The following WNT7B variants were observed in gnomAD, a reference collection of about 807,000 sequenced individuals.
The protein encoded by WNT7B is protein Wnt-7b.
A neutral mutation model predicts 38.2 loss-of-function variants in WNT7B; 19 were observed. That is an observed-to-expected ratio of 0.50 (90% confidence interval 0.35 to 0.73). The LOEUF (loss-of-function observed/expected upper bound fraction) is 0.73, where lower values mean the gene tolerates loss of function less well. Ranked by LOEUF, WNT7B falls within the 30% of genes least tolerant of loss-of-function variation. WNT7B has a pLI of 0.01. For missense variants in WNT7B, 423 were observed against 507.9 expected, an observed-to-expected ratio of 0.83 and a Z score of 1.61; for synonymous variants, 243 against 209.3, an observed-to-expected ratio of 1.16 and a Z score of -1.39.
chr22:45,963,227 T>C (rs1403283264), intron 1 of WNT7B, among the ~76,000 whole-genome samples: 1 of 152,028 alleles, frequency 6.6e-6, no homozygotes, highest in Non-Finnish European at 1.5e-5. Context: ...GGACCCATTC[T>C]GGGTCAGAAG....
Position 45,931,238 on chromosome 22 carries a change from C to G in WNT7B, c.430G>C (p.Ala144Pro). The change falls in exon 3 of 4, where the codon GCC becomes CCC. Residue 144 changes from alanine (A) to proline (P), a missense_variant. Ala to Pro is a conservative substitution (Grantham distance 27, BLOSUM62 -1). Transcript: ENST00000339464. ...DREKQGYYNQ[A>P]EGWKWGGCSA... ...CAGCCGCCCCACTTCCAGCCCTCGG[C>G]TTGGTTGTAGTAGCCCTGCTTCTCG... 6.3e-7 allele frequency: 1 copy of G among 1,599,302 alleles called. No individual in the cohort carries two copies. The highest frequency in any genetic ancestry group is 8.5e-7 in the Non-Finnish European group (1 of 1,179,854).
chr22:45,927,944 G>T (rs574775987), intron 3 of WNT7B, among the ~76,000 whole-genome samples: 3 of 152,354 alleles, frequency 2.0e-5, no homozygotes, highest in South Asian at 4.1e-4. Flanking sequence ...AGGAGACCTG[G>T]TGAAGACAGG....
At chr22:45,945,929 C>G (rs1311984415) in intron 2 of WNT7B, among the ~76,000 whole-genome samples, 1 of 152,260 alleles carries the variant, frequency 6.6e-6, no homozygotes, top group Non-Finnish European at 1.5e-5. Flanking sequence ...GTCTCTATGC[C>G]TGGTCATGTC....
intron 3 of WNT7B, among the ~76,000 whole-genome samples, chr22:45,928,478 C>A (rs917951263): frequency 2.0e-5 from 3 of 152,146 alleles, no homozygotes; most frequent in African/African-American, 7.2e-5. Context: ...TCAGCAGCAG[C>A]GTGGGTCAGC....
chr22:45,922,566 A>C lies in WNT7B; in HGVS notation c.*290T>G. ...GTTCATTTTCCCAGAGAGAAGAAAG[A>C]GAACTTGCCGGGCCCCGTCGGGGAG... On this transcript the variant is annotated 3_prime_UTR_variant, in exon 4 of 4. Transcript: ENST00000339464. 2.2e-6 allele frequency: 1 copy of C among 447,958 alleles called. No individual in the cohort carries two copies. Among genetic ancestry groups the C allele is most frequent in the Non-Finnish European group, 4.0e-6 (1 of 250,536 alleles). 27.7% of individuals were successfully genotyped at this position (447,958 alleles called of 1,614,324 possible). A position where few individuals can be genotyped will look rare whatever the true frequency, so the allele number is the denominator to read the frequency against.
chr22:45,927,196 G>A (rs1035562806), intron 3 of WNT7B: 1 of 985,296 alleles, frequency 1.0e-6, no homozygotes, highest in African/African-American at 1.7e-5. Flanking sequence ...GCCAGGGGCA[G>A]AGCTGGGGGC....
chr22:45,930,847 T>A (rs770713092), intron 3 of WNT7B, among the ~76,000 whole-genome samples: 1 of 152,130 alleles, frequency 6.6e-6, no homozygotes, highest in Non-Finnish European at 1.5e-5. Context: ...GGAGTCCCCA[T>A]CTTCCCTGGG....
At chr22:45,927,575 C>G in intron 3 of WNT7B, 1 of 1,168,578 alleles carries the variant, frequency 8.6e-7, no homozygotes, top group Admixed American at 2.0e-5. Flanking sequence ...CAAGTAGGCC[C>G]TAAATCCAAT....
intron 1 of WNT7B, among the ~76,000 whole-genome samples, chr22:45,964,875 T>C (rs1932277728): frequency 1.3e-5 from 2 of 152,124 alleles, no homozygotes; most frequent in African/African-American, 4.8e-5. Flanking sequence ...CACCAGATGG[T>C]CCTACAGACT....
Position 45,921,357 on chromosome 22 carries a change from A to C in WNT7B, c.*1499T>G, listed in dbSNP as rs1930922935. 6.6e-6 allele frequency: 1 copy of C among 152,402 alleles called. No homozygotes were observed. Among genetic ancestry groups the C allele is most frequent in the African/African-American group, 2.4e-5 (1 of 41,466 alleles). 9.4% of individuals were successfully genotyped at this position (152,402 alleles called of 1,614,324 possible). The stretch of plus-strand genomic sequence containing the variant: ...GCCTCAAAGGCACCGAGGGGAGTGC[A>C]GGCCCCAATGAGGCTGTCAGGGGGT... On this transcript the variant is annotated 3_prime_UTR_variant, in exon 4 of 4. Transcript: ENST00000339464.
chr22:45,971,135 G>A lies in WNT7B; in HGVS notation c.71+5549C>T, dbSNP rs1208571718. Among the ~76,000 whole-genome samples the A allele has an allele frequency of 2.0e-5, 3 of 151,706 alleles. No individual in the cohort carries two copies. In the East Asian group the frequency reaches 5.8e-4, roughly 29 times the overall value. On this transcript the variant is annotated intron_variant, in intron 1 of 3. Transcript: ENST00000339464. ...GGGGTGGGGGCGAGGCGATGTATTA[G>A]GACTGCAACCGCATGGGGGGAGGGG...
At chr22:45,952,113 C>A (rs1428171696) in intron 1 of WNT7B, among the ~76,000 whole-genome samples, 3 of 152,170 alleles carry the variant, frequency 2.0e-5, no homozygotes, top group Non-Finnish European at 4.4e-5. Flanking sequence ...AGTGAGGGGG[C>A]AAGATGTGGG....
rs559021919 is a variant in WNT7B, at chr22:45,960,088, G to A, written c.72-9942C>T. Among the ~76,000 whole-genome samples, 9 of 152,222 alleles carry A rather than the reference G, an allele frequency of 5.9e-5. No individual in the cohort carries two copies. In the East Asian group the frequency reaches 7.7e-4, roughly 13 times the overall value. Reference sequence around the variant, plus strand: ...CATCCTGCCCCTGGCATGGACCCACGCGCCACCCTGACACCAGCAGGATCA... The same window carrying A: ...CATCCTGCCCCTGGCATGGACCCACACGCCACCCTGACACCAGCAGGATCA... On this transcript the variant is annotated intron_variant, in intron 1 of 3. Coordinates refer to ENST00000339464, the MANE Select transcript of WNT7B (RefSeq NM_058238.3).
At position 45,922,621 on chromosome 22, in the gene WNT7B, T is replaced by G; in HGVS notation, c.*235A>C. On this transcript the variant is annotated 3_prime_UTR_variant, in exon 4 of 4. Transcript: ENST00000339464. ...AAGACCCCTGGCCTTGCTCTCTGGGTGGGTCACGGGTGCTGTTCTGCCGCA... is the reference window on the plus strand; with the variant it reads ...AAGACCCCTGGCCTTGCTCTCTGGGGGGGTCACGGGTGCTGTTCTGCCGCA... 2 of 610,162 alleles carry G rather than the reference T, an allele frequency of 3.3e-6. No individual in the cohort carries two copies. Among genetic ancestry groups the G allele is most frequent in the Non-Finnish European group, 2.7e-6 (1 of 363,722 alleles). 37.8% of individuals were successfully genotyped at this position (610,162 alleles called of 1,614,324 possible).
At chr22:45,932,016 A>ACTTCCTCCTAATACCCCTGCCTGAC (rs1158795674) in intron 2 of WNT7B, among the ~76,000 whole-genome samples, 1 of 151,634 alleles carries the variant, frequency 6.6e-6, no homozygotes, top group East Asian at 1.9e-4. Flanking sequence ...CATTTTCCTC[A>ACTTCCTCCTAATACCCCTGCCTGAC]CTTCCTCCTA....
At chr22:45,925,712 G>T in intron 3 of WNT7B, 1 of 985,412 alleles carries the variant, frequency 1.0e-6, no homozygotes, top group African/African-American at 1.7e-5. Flanking sequence ...CACACGGCCT[G>T]CTCGGATGCT....
chr22:45,929,230 T>C (rs114105850), intron 3 of WNT7B, among the ~76,000 whole-genome samples: 12 of 152,350 alleles, frequency 7.9e-5, no homozygotes, highest in African/African-American at 2.9e-4. Context: ...CACTTTCCTC[T>C]GGACTCTCAA....
intron 2 of WNT7B, among the ~76,000 whole-genome samples, chr22:45,944,035 C>A (rs1238028502): frequency 1.3e-5 from 2 of 152,184 alleles, no homozygotes; most frequent in African/African-American, 4.8e-5. Context: ...GGCAGAGTCC[C>A]AGCCCCCACC....
rs1340619416 is a variant in WNT7B at position 45,975,732 on chromosome 22, ACAGTAGGCGCG to A, written c.71+941_71+951del. On this transcript the variant is annotated intron_variant, in intron 1 of 3. Coordinates refer to ENST00000339464, the MANE Select transcript of WNT7B (RefSeq NM_058238.3). This position sits in a 1 kb window ranked among gnomAD's most constrained non-coding sequence, Gnocchi z 6.6. Reference sequence around the variant, plus strand: ...CTCGCCTCGGGGCAGCCGGCGGCGCACAGTAGGCGCGCAGGGCGCGGCGGGGCCCGGGTCCC... The same window carrying A: ...CTCGCCTCGGGGCAGCCGGCGGCGCACAGGGCGCGGCGGGGCCCGGGTCCC... 2.3e-6 allele frequency: 1 copy of A among 429,164 alleles called. No individual in the cohort carries two copies. The highest frequency in any genetic ancestry group is 3.6e-5 in the East Asian group (1 of 27,644). 26.6% of individuals were successfully genotyped at this position (429,164 alleles called of 1,614,324 possible).
Sources: allele counts gnomAD v4.1 joint callset (sites outside exome capture counted in the v4.1 genomes callset), GRCh38; gene constraint gnomAD v4.1.1; non-coding constraint Gnocchi (gnomAD v3.1); transcripts MANE v1.5; gene names NCBI Gene and HGNC (gene_info 2026-07-23, HGNC 2026-07-21).